Variants in DNHD1 observed in about 807,000 individuals in gnomAD.
DNHD1 encodes dynein heavy chain domain-containing protein 1.
DNHD1 carries 383 observed loss-of-function variants against 458.1 expected under a neutral mutation model. The observed-to-expected ratio is 0.84, with a 90% CI of 0.77 to 0.91. The LOEUF is 0.91. Ranked by LOEUF, DNHD1 falls within the 40% of genes least tolerant of loss-of-function variation. The pLI is 0.00. For missense variants in DNHD1, 5,336 were observed against 5,866.1 expected (o/e 0.91, Z 2.95); for synonymous variants, 2,203 against 2,376.9 (o/e 0.93, Z 2.13).
chr11:6,504,533 T>C (rs1852192913), intron 4 of DNHD1, among the ~76,000 whole-genome samples: 1 of 152,210 alleles, frequency 6.6e-6, no homozygotes, highest in Admixed American at 6.5e-5. Flanking sequence ...CACAGCAACC[T>C]CCACCTCCCT....
Position 6,529,122 on chromosome 11 carries a change from G to A in DNHD1, c.2347+1G>A. ...TGCCATGATGTACAGGCAGAGATGG[G>A]TGAGTACTGCTTCTCTTCCCTCTCC... On this transcript the variant is annotated splice_donor_variant, in intron 12 of 42. Transcript: ENST00000254579. LOFTEE classifies it high-confidence loss of function. 6.5e-7 allele frequency: 1 copy of A among 1,550,040 alleles called. No homozygotes were observed. Among genetic ancestry groups the A allele is most frequent in the South Asian group, 1.2e-5 (1 of 83,990 alleles).
chr11:6,546,811 G>C lies in DNHD1; in HGVS notation c.5872G>C (p.Glu1958Gln). 1 of 1,551,858 alleles carries C rather than the reference G, an allele frequency of 6.4e-7. No homozygotes were observed. The change falls in exon 21 of 43, where the codon GAG (glutamate) becomes CAG (glutamine). Residue 1958 changes from glutamate (E) to glutamine (Q), a missense_variant. By Grantham distance (29) the Glu-to-Gln change is conservative. Coordinates refer to ENST00000254579, the MANE Select transcript of DNHD1 (RefSeq NM_144666.3). Reference protein sequence around the residue: ...TYKLMKPLVVEELQQVGLDPS... With the variant: ...TYKLMKPLVVQELQQVGLDPS... ...CAAGCTGATGAAGCCATTGGTGGTG[G>C]AGGAACTGCAACAGGTAGGTCTGGA...
chr11:6,544,047 C>T, intron 18 of DNHD1, 74 bp from the exon 19 acceptor site: 2 of 1,499,910 alleles, frequency 1.3e-6, no homozygotes, highest in Non-Finnish European at 1.8e-6. Context: ...GGAAGGTTCC[C>T]CTGGTCTCCT....
In DNHD1 at chr11:6,510,242, C is replaced by T. The variant is rs183512540; in HGVS notation, c.1235+970C>T. 1.3e-4 allele frequency among the ~76,000 whole-genome samples: 19 copies of T among 151,618 alleles called. No homozygotes were observed. In the East Asian group the frequency reaches 2.3e-3, roughly 19 times the overall value. On this transcript the variant is annotated intron_variant, in intron 6 of 42. Coordinates refer to ENST00000254579, the MANE Select transcript of DNHD1 (RefSeq NM_144666.3). ...GGGATTACAGGCATGCACCACCACACCCGGCTAATTTTTTTTATTTTTAGT... is the reference window on the plus strand; with the variant it reads ...GGGATTACAGGCATGCACCACCACATCCGGCTAATTTTTTTTATTTTTAGT...
In DNHD1 at chr11:6,567,388, G is replaced by C. The variant is rs568838273; in HGVS notation, c.11879G>C (p.Gly3960Ala). 1 of 1,613,778 alleles carries C rather than the reference G, an allele frequency of 6.2e-7. No individual in the cohort carries two copies. Among genetic ancestry groups the C allele is most frequent in the East Asian group, 2.2e-5 (1 of 44,872 alleles). ...SELERLALWP[G>A]LAASPSTVHS... ...CTGGAAAGACTGGCACTCTGGCCTG[G>C]ACTAGCAGCCTCTCCCAGCACAGTC... Residue 3960 changes from glycine (G) to alanine (A), a missense_variant, in exon 36 of 43, where the codon GGA becomes GCA. Transcript: ENST00000254579.
rs1360751892 is a variant in DNHD1, at chr11:6,519,841, C to T, written c.1634C>T (p.Ala545Val). 3.1e-6 allele frequency: 5 copies of T among 1,612,410 alleles called. No homozygotes were observed. Among genetic ancestry groups the T allele is most frequent in the Non-Finnish European group, 4.2e-6 (5 of 1,180,004 alleles). ...GAAGAGCAGATAACCTCTTTTGTGG[C>T]CAACATCCTTCAAGTGAGGTGGTGG... ...VLEEQITSFV[A>V]NILQAPRQKP... The change falls in exon 8 of 43, where the codon GCC becomes GTC. Residue 545 changes from alanine (A) to valine (V), a missense_variant. By Grantham distance (64) the Ala-to-Val change is moderately conservative (BLOSUM62 0). Coordinates refer to ENST00000254579, the MANE Select transcript of DNHD1 (RefSeq NM_144666.3).
chr11:6,563,685 C>A lies in DNHD1; in HGVS notation c.9853-8C>A. 2 of 1,543,958 alleles carry A rather than the reference C, an allele frequency of 1.3e-6. No homozygotes were observed. The highest frequency in any genetic ancestry group is 1.7e-6 in the Non-Finnish European group (2 of 1,143,674). On this transcript the variant is annotated splice_region_variant and splice_polypyrimidine_tract_variant and intron_variant, in intron 30 of 42. Transcript: ENST00000254579. ...GCTTCCCCATCCCGTTAACATACAT[C>A]CTTCCAGGAGCTGGTGTTCTTCCCC...
At chr11:6,570,452 C>G in intron 41 of DNHD1, 56 bp downstream of exon 41, 2 of 1,530,556 alleles carry the variant, frequency 1.3e-6, no homozygotes, top group Non-Finnish European at 1.8e-6. Flanking sequence ...TGCAATGCCA[C>G]CCCCCACAGA....
chr11:6,564,072 C>G lies in DNHD1; in HGVS notation c.10232C>G (p.Pro3411Arg). 6.4e-7 allele frequency: 1 copy of G among 1,551,628 alleles called. No individual in the cohort carries two copies. Among genetic ancestry groups the G allele is most frequent in the Non-Finnish European group, 8.7e-7 (1 of 1,147,008 alleles). The change falls in exon 31 of 43, where the codon CCC becomes CGC. Residue 3411 changes from proline to arginine, a missense_variant. Pro to Arg is a moderately radical substitution (Grantham distance 103). This residue lies in a region of DNHD1 where 3,932 missense variants were observed against 4,365.6 expected (regional missense o/e 0.90). Transcript: ENST00000254579. ...CAGTGTGGGCAGTATCACAAATGGC[C>G]CATGAAGGCTGCACTGCTCACGCCT... The part of the protein sequence containing the change: ...QAQCGQYHKW[P>R]MKAALLTPMR...
chr11:6,498,350 C>G lies in DNHD1; in HGVS notation c.135C>G (p.Phe45Leu), dbSNP rs753212855. Residue 45 changes from phenylalanine (F) to leucine (L), a missense_variant, in exon 3 of 43, where the codon TTC (phenylalanine) becomes TTG (leucine). Coordinates refer to ENST00000254579, the MANE Select transcript of DNHD1 (RefSeq NM_144666.3). ...CCTGCCAGCAGAAACAGAGGCAGTT[C>G]GTGAAGCCAGTGACTGAGTCAGAGC... ...PLACQQKQRQFVKPVTESEQP... is the reference protein window; with the variant it reads ...PLACQQKQRQLVKPVTESEQP... 3 of 1,614,072 alleles carry G rather than the reference C, an allele frequency of 1.9e-6. No homozygotes were observed. The highest frequency in any genetic ancestry group is 3.3e-5 in the Admixed American group (2 of 59,998).
chr11:6,500,657 C>T (rs773923950), intron 3 of DNHD1, among the ~76,000 whole-genome samples: 1 of 152,220 alleles, frequency 6.6e-6, no homozygotes, highest in African/African-American at 2.4e-5. Flanking sequence ...CCCTTTGAAC[C>T]TGGCAGTAAA....
At chr11:6,541,651 C>T (rs1216066401) in intron 18 of DNHD1, among the ~76,000 whole-genome samples, 1 of 152,176 alleles carries the variant, frequency 6.6e-6, no homozygotes, top group Admixed American at 6.5e-5. Flanking sequence ...TTGTGGGCCA[C>T]ATTAATAATT....
chr11:6,542,291 T>A (rs1589883231), intron 18 of DNHD1, among the ~76,000 whole-genome samples: 2 of 152,362 alleles, frequency 1.3e-5, no homozygotes, highest in Admixed American at 1.3e-4. Flanking sequence ...TCCTACTTGA[T>A]CTCTACCACT....
At chr11:6,540,171 T>A in intron 18 of DNHD1, 88 bp downstream of exon 18, 1 of 1,204,920 alleles carries the variant, frequency 8.3e-7, no homozygotes. Context: ...CCAGATCTGA[T>A]TCTCTAGCCA....
At chr11:6,531,220 T>C (rs1023781526) in intron 12 of DNHD1, among the ~76,000 whole-genome samples, 1 of 152,186 alleles carries the variant, frequency 6.6e-6, no homozygotes, top group African/African-American at 2.4e-5. Flanking sequence ...CTCTTCTTCC[T>C]GAACTCCCTT....
At position 6,546,541 on chromosome 11, in the gene DNHD1, G is replaced by A; in HGVS notation, c.5602G>A (p.Gly1868Arg). 6.4e-7 allele frequency: 1 copy of A among 1,551,314 alleles called. No individual in the cohort carries two copies. The highest frequency in any genetic ancestry group is 1.2e-5 in the South Asian group (1 of 84,054). Reference protein sequence around the residue: ...FFSLERELVSGPLPCRLPLLK... With the variant: ...FFSLERELVSRPLPCRLPLLK... ...CTCTCTAGAGCGTGAGCTGGTGTCT[G>A]GGCCCCTGCCCTGCCGCCTGCCACT... The change falls in exon 21 of 43, where the codon GGG (glycine) becomes AGG (arginine). Residue 1868 changes from glycine (G) to arginine (R), a missense_variant. By Grantham distance (125) the Gly-to-Arg change is moderately radical. Around this residue, in one of 4 missense-constraint regions of DNHD1, gnomAD observed 3,932 missense variants for 4,365.6 expected, o/e 0.90. Transcript: ENST00000254579.
In DNHD1 at chr11:6,544,191, G is replaced by A; in HGVS notation, c.3699G>A (p.Lys1233=). Residue 1233 remains lysine (K), a synonymous_variant, in exon 19 of 43, where the codon AAG becomes AAA. Coordinates refer to ENST00000254579, the MANE Select transcript of DNHD1 (RefSeq NM_144666.3). The part of the protein sequence containing the change: ...QVLSKILAIE[K]SGDLNKIALE... The stretch of plus-strand genomic sequence containing the variant: ...TGTCCAAGATCTTGGCCATCGAAAA[G>A]TCAGGAGATTTAAACAAAATAGCTT... 1 of 1,551,650 alleles carries A rather than the reference G, an allele frequency of 6.4e-7. No individual in the cohort carries two copies. Among genetic ancestry groups the A allele is most frequent in the Non-Finnish European group, 8.7e-7 (1 of 1,146,972 alleles).
chr11:6,538,337 C>CCAA, intron 14 of DNHD1, 46 bp from the exon 15 acceptor site: 5 of 1,548,978 alleles, frequency 3.2e-6, no homozygotes, highest in Non-Finnish European at 4.4e-6. Context: ...CACCCCCCTC[C>CCAA]CAACACTGCA....
At position 6,544,842 on chromosome 11, in the gene DNHD1, CT is replaced by C; in HGVS notation, c.3904del (p.Ser1302LeufsTer2). ...ACCAGTATCGAACCCTGATGCGCAT[CT>C]CTGTAGCTGACCCCATGGTTCTGTC... Reference protein sequence around the residue: ...DDQYRTLMRISVADPMVLSLV... With the variant: ...DDQYRTLMRIXVADPMVLSLV... On this transcript the variant is annotated frameshift_variant, in exon 21 of 43. Transcript: ENST00000254579. 1 of 1,551,674 alleles carries C rather than the reference CT, an allele frequency of 6.4e-7. No individual in the cohort carries two copies. The highest frequency in any genetic ancestry group is 1.7e-4 in the Middle Eastern group (1 of 5,992).
Sources: gnomAD v4.1 joint callset for allele counts (sites outside exome capture counted in the v4.1 genomes callset) on GRCh38, gnomAD v4.1.1 for gene constraint, gnomAD v4.1.1 regional missense constraint, MANE v1.5 for transcripts, NCBI Gene and HGNC (gene_info 2026-07-23, HGNC 2026-07-21) for gene names.